Variants in CCDC148 observed in about 807,000 individuals in gnomAD.
CCDC148 encodes coiled-coil domain containing 148.
In CCDC148, 89 loss-of-function variants were observed where a neutral mutation model predicts 85.7. The observed-to-expected ratio is 1.04, with a 90% CI of 0.87 to 1.24. The LOEUF is 1.24. Ranked by LOEUF, CCDC148 falls within the 50% of genes most tolerant of loss-of-function variation. The pLI, the probability that CCDC148 is intolerant of heterozygous loss-of-function variation, is 0.00. For synonymous variants in CCDC148, 230 were observed against 213.9 expected (o/e 1.08, Z -0.66); for missense variants, 692 against 671.7 (o/e 1.03, Z -0.33).
chr2:158,287,294 C>T (rs534688317), intron 9 of CCDC148, among the ~76,000 whole-genome samples: 1 of 152,230 alleles, frequency 6.6e-6, no homozygotes, highest in Admixed American at 6.5e-5. Context: ...CTCATATACT[C>T]ACATTTCAAA....
At chr2:158,322,570 A>G (rs1692571494) in intron 7 of CCDC148, among the ~76,000 whole-genome samples, 1 of 152,044 alleles carries the variant, frequency 6.6e-6, no homozygotes, top group African/African-American at 2.4e-5. Flanking sequence ...CAGTTTTCTA[A>G]CTGTATTTTA....
rs142244249 is a variant in CCDC148 at position 158,209,541 on chromosome 2, A to G, written c.1370+11054T>C. ...ACCTGCAAAGCATTTACCTCTGCAT[A>G]TAGGTGTAAAGGTTGCCAGAGAGAA... On this transcript the variant is annotated intron_variant, in intron 11 of 13. Coordinates refer to ENST00000283233, the MANE Select transcript of CCDC148 (RefSeq NM_138803.4). 9.1e-4 allele frequency among the ~76,000 whole-genome samples: 139 copies of G among 152,290 alleles called. 1 individual carries two copies. The highest frequency in any genetic ancestry group is 3.0e-3 in the African/African-American group (126 of 41,560).
At chr2:158,315,919 G>C (rs1195736829) in intron 7 of CCDC148, among the ~76,000 whole-genome samples, 1 of 152,148 alleles carries the variant, frequency 6.6e-6, no homozygotes, top group African/African-American at 2.4e-5. Flanking sequence ...TTCCCCATGG[G>C]AGCAAACCAT....
At chr2:158,199,329 C>T (rs959810124) in intron 11 of CCDC148, among the ~76,000 whole-genome samples, 1 of 152,136 alleles carries the variant, frequency 6.6e-6, no homozygotes, top group African/African-American at 2.4e-5. Flanking sequence ...ACTGCAACCT[C>T]CGCCTCCCAG....
At chr2:158,319,090 T>A (rs974816718) in intron 7 of CCDC148, among the ~76,000 whole-genome samples, 1 of 152,160 alleles carries the variant, frequency 6.6e-6, no homozygotes, top group African/African-American at 2.4e-5. Flanking sequence ...AAAAGTAAGA[T>A]GTAATTGCTC....
intron 9 of CCDC148, among the ~76,000 whole-genome samples, chr2:158,260,328 C>T (rs1014532966): frequency 4.6e-5 from 7 of 152,036 alleles, no homozygotes; most frequent in Admixed American, 1.3e-4. Flanking sequence ...AGGTTAAACA[C>T]TCTCAATAAA....
At chr2:158,350,265 A>T (rs947084283) in intron 2 of CCDC148, among the ~76,000 whole-genome samples, 1 of 152,218 alleles carries the variant, frequency 6.6e-6, no homozygotes, top group African/African-American at 2.4e-5. Flanking sequence ...TAATGAGTCT[A>T]TCACCAAAGA....
At chr2:158,257,005 C>T (rs1481494100) in intron 9 of CCDC148, among the ~76,000 whole-genome samples, 1 of 151,698 alleles carries the variant, frequency 6.6e-6, no homozygotes, top group Admixed American at 6.6e-5. Context: ...ATAAGTACTT[C>T]TTGGGTGACT....
At position 158,242,794 on chromosome 2, in the gene CCDC148, C is replaced by T. The variant is rs1559012148; in HGVS notation, c.1251+7978G>A. ...CATTTAGTTATAGGTTTAAGGCCAA[C>T]ATATAGTTGAATAAAGGTGTCTTTG... On this transcript the variant is annotated intron_variant, in intron 10 of 13. Coordinates refer to ENST00000283233, the MANE Select transcript of CCDC148 (RefSeq NM_138803.4). 1.3e-5 allele frequency among the ~76,000 whole-genome samples: 2 copies of T among 151,500 alleles called. 1 individual carries two copies. The highest frequency in any genetic ancestry group is 4.1e-4 in the South Asian group (2 of 4,826).
rs1686344290 is a variant in CCDC148 at position 158,413,223 on chromosome 2, C to G, written c.25+43192G>C. Among the ~76,000 whole-genome samples, 3 of 151,990 alleles carry G rather than the reference C, an allele frequency of 2.0e-5. No homozygotes were observed. In the South Asian group the frequency reaches 6.2e-4, roughly 31 times the overall value. On this transcript the variant is annotated intron_variant, in intron 1 of 13. Transcript: ENST00000283233. ...AATGTTAAAAGAAGCAGCAGGTGGT[C>G]AAGCAGTCTCTCTCAAACATATTAT... is the stretch of plus-strand genomic sequence containing the variant.
intron 9 of CCDC148, among the ~76,000 whole-genome samples, chr2:158,304,038 C>A (rs994715231): frequency 6.6e-6 from 1 of 152,070 alleles, no homozygotes; most frequent in African/African-American, 2.4e-5. Flanking sequence ...GTTCTCCAAC[C>A]ACCAATTGAA....
intron 9 of CCDC148, among the ~76,000 whole-genome samples, chr2:158,264,300 T>G (rs1315155567): frequency 5.3e-5 from 8 of 152,080 alleles, no homozygotes; most frequent in Non-Finnish European, 8.8e-5. Context: ...TTAAAGAAAC[T>G]GGCAGTACTT....
chr2:158,220,507 A>C (rs958671), intron 11 of CCDC148, 88 bp downstream of exon 11: 592,507 of 815,540 alleles, frequency 0.73, 217,142 homozygotes, highest in East Asian at 0.88. Flanking sequence ...TATAGAAAAA[A>C]GTTCCCTCTG....
intron 10 of CCDC148, among the ~76,000 whole-genome samples, chr2:158,242,899 T>C (rs1056111285): frequency 3.9e-5 from 6 of 152,076 alleles, no homozygotes; most frequent in African/African-American, 1.4e-4. Context: ...GAAGCTACCC[T>C]ATACTCTTCT....
chr2:158,383,216 C>T (rs1400653750), intron 1 of CCDC148, among the ~76,000 whole-genome samples: 3 of 151,876 alleles, frequency 2.0e-5, no homozygotes, highest in Non-Finnish European at 2.9e-5. Flanking sequence ...ACTTGGGAGG[C>T]TGAGGCAGAA....
At chr2:158,423,087 A>G (rs183294875) in intron 1 of CCDC148, among the ~76,000 whole-genome samples, 1 of 152,348 alleles carries the variant, frequency 6.6e-6, no homozygotes, top group African/African-American at 2.4e-5. Context: ...AAGAGGACCG[A>G]AACAAATGGA....
chr2:158,254,969 T>C (rs1006391668), intron 9 of CCDC148, among the ~76,000 whole-genome samples: 4 of 139,844 alleles, frequency 2.9e-5, no homozygotes, highest in African/African-American at 1.1e-4. Flanking sequence ...CAAGTCTAAA[T>C]GATGCTTCTT....
intron 11 of CCDC148, among the ~76,000 whole-genome samples, chr2:158,198,032 C>T (rs949493595): frequency 1.3e-5 from 2 of 152,138 alleles, no homozygotes; most frequent in African/African-American, 4.8e-5. Flanking sequence ...TCTATTTAAT[C>T]TTTTCTCTCA....
intron 9 of CCDC148, among the ~76,000 whole-genome samples, chr2:158,252,731 A>T (rs1357334015): frequency 1.3e-5 from 2 of 151,616 alleles, no homozygotes; most frequent in African/African-American, 4.8e-5. Flanking sequence ...ATTAACCTCC[A>T]ACCTCTCTAT....
Sources: gnomAD v4.1 joint callset for allele counts (sites outside exome capture counted in the v4.1 genomes callset) on GRCh38, gnomAD v4.1.1 for gene constraint, MANE v1.5 for transcripts, NCBI Gene and HGNC (gene_info 2026-07-23, HGNC 2026-07-21) for gene names.